Variants in LGR6 observed in about 807,000 individuals in gnomAD.
LGR6 encodes the protein leucine rich repeat containing G protein-coupled receptor 6.
LGR6 carries 45 observed loss-of-function variants against 69.4 expected under a neutral mutation model. The ratio of observed to expected loss-of-function variants is 0.65; its 90% CI spans 0.51 to 0.83. LGR6 has a LOEUF of 0.83. Ranked by LOEUF, LGR6 falls within the 40% of genes least tolerant of loss-of-function variation. The pLI, the probability that LGR6 is intolerant of heterozygous loss-of-function variation, is 0.00. For missense variants in LGR6, 1,108 were observed against 1,246.7 expected (o/e 0.89, Z 1.68); for synonymous variants, 538 against 555.0 (o/e 0.97, Z 0.43).
chr1:202,210,554 G>T (rs745819399), intron 1 of LGR6, among the ~76,000 whole-genome samples: 1 of 152,132 alleles, frequency 6.6e-6, no homozygotes, highest in African/African-American at 2.4e-5. Flanking sequence ...GCAGGAGCCC[G>T]AGGTGTGGCT....
intron 1 of LGR6, among the ~76,000 whole-genome samples, chr1:202,205,190 T>C (rs1659106130): frequency 1.0e-3 from 1 of 972 alleles, no homozygotes; most frequent in Non-Finnish European, 6.1e-3. Context: ...ACACACACCC[T>C]CGAAACACAT....
intron 4 of LGR6, among the ~76,000 whole-genome samples, chr1:202,243,867 G>T (rs1662411840): frequency 6.6e-6 from 1 of 152,226 alleles, no homozygotes; most frequent in Admixed American, 6.5e-5. Flanking sequence ...CATGGGGTTG[G>T]TGGTAGGGGC....
intron 1 of LGR6, among the ~76,000 whole-genome samples, chr1:202,204,704 C>T (rs1659029899): frequency 6.8e-6 from 1 of 147,288 alleles, no homozygotes; most frequent in African/African-American, 2.5e-5. Context: ...CAAACACACA[C>T]ACACACCTAA....
At chr1:202,296,983 A>G (rs949760290) in intron 6 of LGR6, among the ~76,000 whole-genome samples, 3 of 152,196 alleles carry the variant, frequency 2.0e-5, no homozygotes, top group Non-Finnish European at 4.4e-5. Flanking sequence ...GCAAAAAAAA[A>G]AATTGGAAAG....
In LGR6 at chr1:202,273,897, A is replaced by C. The variant is rs201617871; in HGVS notation, c.429-2409A>C. On this transcript the variant is annotated intron_variant, in intron 4 of 17. Coordinates refer to ENST00000367278, the MANE Select transcript of LGR6 (RefSeq NM_001017403.2). Reference sequence around the variant, plus strand: ...GTTGAAATCCTATCCTACCTTAAGAAGGCCATCTCAAATGTGACTTCTTCC... The same window carrying C: ...GTTGAAATCCTATCCTACCTTAAGACGGCCATCTCAAATGTGACTTCTTCC... 1.4e-4 allele frequency among the ~76,000 whole-genome samples: 22 copies of C among 152,238 alleles called. No homozygotes were observed. In the East Asian group the frequency reaches 4.3e-3, roughly 29 times the overall value.
At chr1:202,259,890 T>C (rs531131817) in intron 4 of LGR6, among the ~76,000 whole-genome samples, 2 of 152,320 alleles carry the variant, frequency 1.3e-5, no homozygotes, top group East Asian at 3.9e-4. Context: ...GCTCACAGAA[T>C]GTGCCTCCCG....
At chr1:202,271,921 C>G (rs1159372200) in intron 4 of LGR6, among the ~76,000 whole-genome samples, 1 of 151,906 alleles carries the variant, frequency 6.6e-6, no homozygotes, top group East Asian at 1.9e-4. Context: ...TTCGTGGAGT[C>G]TCCCTCTAAG....
At chr1:202,207,182 G>T (rs1024981696) in intron 1 of LGR6, among the ~76,000 whole-genome samples, 3 of 152,194 alleles carry the variant, frequency 2.0e-5, no homozygotes, top group Admixed American at 2.0e-4. Flanking sequence ...CTCCCAAAGT[G>T]CTGGGATTAC....
Position 202,251,108 on chromosome 1 carries a change from G to A in LGR6, c.428+15115G>A, listed in dbSNP as rs956028949. On this transcript the variant is annotated intron_variant, in intron 4 of 17. Transcript: ENST00000367278. ...GAAAGCTACCCAAGGGGTTTAAAAC[G>A]AGACGATCACAGATGACGGCCTGAT... Among the ~76,000 whole-genome samples the A allele has an allele frequency of 7.2e-5, 11 of 152,204 alleles. No homozygotes were observed. In the East Asian group the frequency reaches 9.7e-4, roughly 13 times the overall value.
At chr1:202,234,318 CT>C in intron 3 of LGR6, among the ~76,000 whole-genome samples, 1 of 152,344 alleles carries the variant, frequency 6.6e-6, no homozygotes, top group Admixed American at 6.5e-5. Flanking sequence ...GTAGCCTTGC[CT>C]CTATGAAGGG....
intron 1 of LGR6, among the ~76,000 whole-genome samples, chr1:202,218,914 C>T (rs554197873): frequency 1.3e-5 from 2 of 152,296 alleles, no homozygotes; most frequent in South Asian, 2.1e-4. Context: ...AGTCCTTCCC[C>T]AGCAACATTG....
intron 10 of LGR6, among the ~76,000 whole-genome samples, chr1:202,303,943 A>G (rs1314386912): frequency 6.6e-6 from 1 of 152,040 alleles, no homozygotes; most frequent in Non-Finnish European, 1.5e-5. Context: ...GCATGTGGAA[A>G]ATTTTCCATG....
Position 202,306,918 on chromosome 1 carries a change from A to C in LGR6, c.1187A>C (p.Gln396Pro). ...IWEIGADTFS[Q>P]LSSLQALDLS... ...GAAATTGGAGCTGACACCTTCAGCC[A>C]GCTGAGCTCCCTGCAAGCCCTGTGA... is the stretch of plus-strand genomic sequence containing the variant. Residue 396 changes from glutamine (Q) to proline (P), a missense_variant, in exon 13 of 18, where the codon CAG becomes CCG. By Grantham distance (76) the Gln-to-Pro change is moderately conservative (BLOSUM62 -1). Transcript: ENST00000367278. 1.9e-6 allele frequency: 3 copies of C among 1,614,122 alleles called. No homozygotes were observed. The highest frequency in any genetic ancestry group is 2.5e-6 in the Non-Finnish European group (3 of 1,180,022).
intron 4 of LGR6, among the ~76,000 whole-genome samples, chr1:202,244,909 G>T (rs956109416): frequency 1.3e-5 from 2 of 152,220 alleles, no homozygotes; most frequent in Non-Finnish European, 2.9e-5. Flanking sequence ...CCCACCATGG[G>T]GGCATCTGGC....
intron 1 of LGR6, among the ~76,000 whole-genome samples, chr1:202,199,548 G>A (rs776827360): frequency 7.2e-5 from 11 of 152,154 alleles, no homozygotes; most frequent in Non-Finnish European, 1.0e-4. Context: ...CTGGCTCAGA[G>A]CAGAGTTGGC....
chr1:202,308,356 G>T lies in LGR6; in HGVS notation c.1281-695G>T, dbSNP rs569338351. 6.6e-5 allele frequency among the ~76,000 whole-genome samples: 10 copies of T among 152,294 alleles called. No individual in the cohort carries two copies. The South Asian group carries it at 2.1e-3, about 32-fold the overall frequency. ...AGGACACTGAAGCTCAGGCAGATTT[G>T]TGGCTCCCCTTGGTTACACAGCGAG... On this transcript the variant is annotated intron_variant, in intron 14 of 17. Coordinates refer to ENST00000367278, the MANE Select transcript of LGR6 (RefSeq NM_001017403.2).
intron 1 of LGR6, among the ~76,000 whole-genome samples, chr1:202,205,159 C>CACACAG (rs1558004661): frequency 1.1e-5 from 1 of 93,098 alleles, no homozygotes; most frequent in Non-Finnish European, 2.0e-5. Context: ...TCCACACACA[C>CACACAG]CTAACACACA....
At chr1:202,198,377 G>A (rs1474878354) in intron 1 of LGR6, among the ~76,000 whole-genome samples, 1 of 152,232 alleles carries the variant, frequency 6.6e-6, no homozygotes, top group Non-Finnish European at 1.5e-5. Context: ...TAGGGTTGTT[G>A]TGTGGATTCA....
At chr1:202,266,606 C>T (rs1479515680) in intron 4 of LGR6, among the ~76,000 whole-genome samples, 1 of 152,140 alleles carries the variant, frequency 6.6e-6, no homozygotes, top group Non-Finnish European at 1.5e-5. Flanking sequence ...AGCCCTCACT[C>T]CCTGCGTCAC....
Sources: allele counts gnomAD v4.1 joint callset (sites outside exome capture counted in the v4.1 genomes callset), GRCh38; gene constraint gnomAD v4.1.1; transcripts MANE v1.5; gene names NCBI Gene and HGNC (gene_info 2026-07-23, HGNC 2026-07-21).